Variants in RAD51B observed in about 807,000 individuals in gnomAD.
The protein encoded by RAD51B is RAD51 paralog B.
Under a neutral mutation model 42.2 loss-of-function variants are expected in RAD51B, and 38 were observed. The observed-to-expected ratio is 0.90, with a 90% confidence interval of 0.70 to 1.18. The LOEUF (loss-of-function observed/expected upper bound fraction) is 1.18, where lower values mean the gene tolerates loss of function less well. Ranked by LOEUF, RAD51B falls within the 50% of genes most tolerant of loss-of-function variation. The pLI is 0.00. For missense variants in RAD51B, 373 were observed against 400.7 expected, an observed-to-expected ratio of 0.93 and a Z score of 0.59; for synonymous variants, 154 against 145.2, an observed-to-expected ratio of 1.06 and a Z score of -0.43.
intron 7 of RAD51B, among the ~76,000 whole-genome samples, chr14:68,045,387 C>T (rs1171807316): frequency 1.3e-5 from 2 of 151,942 alleles, no homozygotes; most frequent in South Asian, 4.1e-4. Flanking sequence ...ACACACAGTG[C>T]CTTTTACACA....
At chr14:68,025,973 T>C (rs977150367) in intron 7 of RAD51B, among the ~76,000 whole-genome samples, 3 of 152,154 alleles carry the variant, frequency 2.0e-5, no homozygotes, top group Non-Finnish European at 4.4e-5. Context: ...TCTAACTTCT[T>C]GATGAGGGAA....
At chr14:68,177,802 CTT>C (rs2140875737) in intron 7 of RAD51B, among the ~76,000 whole-genome samples, 1 of 152,188 alleles carries the variant, frequency 6.6e-6, no homozygotes, top group African/African-American at 2.4e-5. Flanking sequence ...TTTATGCTCT[CTT>C]GTCTATTGAT....
intron 7 of RAD51B, among the ~76,000 whole-genome samples, chr14:68,151,026 T>C (rs2078367629): frequency 6.6e-6 from 1 of 152,054 alleles, no homozygotes; most frequent in African/African-American, 2.4e-5. Context: ...ATCTTTCCTT[T>C]GTATAGACTG....
chr14:68,682,230 C>T (rs1392563896), intron 11 of RAD51B, among the ~76,000 whole-genome samples: 1 of 151,722 alleles, frequency 6.6e-6, no homozygotes, highest in Non-Finnish European at 1.5e-5. Context: ...ATCGCCTGGC[C>T]ACAAGTCTGG....
chr14:67,867,464 A>G (rs1415604239), intron 5 of RAD51B, among the ~76,000 whole-genome samples: 1 of 152,224 alleles, frequency 6.6e-6, no homozygotes, highest in Admixed American at 6.5e-5. Context: ...CAGTGTGAAG[A>G]AAAAGGGCCA....
At chr14:68,566,994 T>C (rs1432080627) in intron 10 of RAD51B, among the ~76,000 whole-genome samples, 2 of 152,198 alleles carry the variant, frequency 1.3e-5, no homozygotes, top group African/African-American at 2.4e-5. Context: ...GCTCATACCT[T>C]CTTTTTTAAA....
intron 10 of RAD51B, among the ~76,000 whole-genome samples, chr14:68,641,802 C>G (rs932042233): frequency 2.0e-5 from 3 of 151,502 alleles, no homozygotes; most frequent in South Asian, 2.1e-4. Flanking sequence ...TTCAAGTGAT[C>G]CTCCTGCATT....
At position 68,068,599 on chromosome 14, in the gene RAD51B, G is replaced by C. The variant is rs956168773; in HGVS notation, c.756+181395G>C. On this transcript the variant is annotated intron_variant, in intron 7 of 10. Transcript: ENST00000471583. ...GGATATTTGTTTAAAAGTTTTATAT[G>C]GACATGTTTTCAATTCTCTTGGGTG... is the stretch of plus-strand genomic sequence containing the variant. Among the ~76,000 whole-genome samples, 6 of 152,204 alleles carry C rather than the reference G, an allele frequency of 3.9e-5. No individual in the cohort carries two copies. The South Asian group carries it at 1.2e-3, about 32-fold the overall frequency.
intron 7 of RAD51B, among the ~76,000 whole-genome samples, chr14:67,944,086 A>G (rs1314491068): frequency 6.6e-6 from 1 of 152,148 alleles, no homozygotes; most frequent in East Asian, 1.9e-4. Flanking sequence ...AGAAAACAGT[A>G]CAGCCAGGGG....
At chr14:68,303,013 C>T (rs952159816) in intron 8 of RAD51B, among the ~76,000 whole-genome samples, 3 of 152,146 alleles carry the variant, frequency 2.0e-5, no homozygotes, top group Non-Finnish European at 4.4e-5. Context: ...GGGGCTTGCT[C>T]CCAACAGAAA....
chr14:68,048,551 C>T (rs1463745319), intron 7 of RAD51B, among the ~76,000 whole-genome samples: 1 of 152,246 alleles, frequency 6.6e-6, no homozygotes, highest in East Asian at 1.9e-4. Context: ...CCTAGGTTTT[C>T]TTCTAGGGTT....
intron 9 of RAD51B, among the ~76,000 whole-genome samples, chr14:68,419,071 G>A (rs2084631498): frequency 6.6e-6 from 1 of 152,126 alleles, no homozygotes; most frequent in South Asian, 2.1e-4. Flanking sequence ...ATTCAGTGAG[G>A]GCAGTGCCAA....
chr14:68,555,293 G>A (rs1218542267), intron 10 of RAD51B, among the ~76,000 whole-genome samples: 1 of 152,182 alleles, frequency 6.6e-6, no homozygotes, highest in Admixed American at 6.5e-5. Flanking sequence ...GTATTTCTGG[G>A]AAAGATAACA....
chr14:67,890,988 C>T (rs2043202461), intron 7 of RAD51B, among the ~76,000 whole-genome samples: 1 of 152,062 alleles, frequency 6.6e-6, no homozygotes, highest in Admixed American at 6.6e-5. Flanking sequence ...GCTTAGATAA[C>T]AGGACTTTCA....
rs527577630 is a variant in RAD51B, at chr14:68,003,873, T to G, written c.756+116669T>G. Among the ~76,000 whole-genome samples the G allele has an allele frequency of 4.6e-5, 7 of 152,250 alleles. No homozygotes were observed. The South Asian group carries it at 1.5e-3, about 32-fold the overall frequency. On this transcript the variant is annotated intron_variant, in intron 7 of 10. Transcript: ENST00000471583. ...ATCCCACGGATGAAGCCTACTTGATTGTGGTGGATAAACTTTTTGATGTGC... is the reference window on the plus strand; with the variant it reads ...ATCCCACGGATGAAGCCTACTTGATGGTGGTGGATAAACTTTTTGATGTGC...
At chr14:68,196,905 T>C (rs2079384389) in intron 7 of RAD51B, among the ~76,000 whole-genome samples, 1 of 152,242 alleles carries the variant, frequency 6.6e-6, no homozygotes, top group Non-Finnish European at 1.5e-5. Flanking sequence ...GTATACTTTG[T>C]TTGAAGACAG....
At chr14:68,086,084 G>A (rs2076979347) in intron 7 of RAD51B, among the ~76,000 whole-genome samples, 1 of 152,196 alleles carries the variant, frequency 6.6e-6, no homozygotes, top group Non-Finnish European at 1.5e-5. Context: ...TGGTGTAATG[G>A]AATAATTGAA....
intron 7 of RAD51B, among the ~76,000 whole-genome samples, chr14:68,052,050 C>G (rs977897392): frequency 2.0e-5 from 3 of 152,132 alleles, no homozygotes; most frequent in Non-Finnish European, 4.4e-5. Flanking sequence ...AATAACCAGA[C>G]CATAGACTCT....
In RAD51B at chr14:68,529,619, A is replaced by G. The variant is rs1471215389; in HGVS notation, c.1036+61369A>G. On this transcript the variant is annotated intron_variant, in intron 10 of 10. Transcript: ENST00000487270. ...AGATCACTAACACCATAGCTGGGAA[A>G]GATCTTAAATCATCACTTGATTCTG... Among the ~76,000 whole-genome samples the G allele has an allele frequency of 2.0e-5, 3 of 152,270 alleles. No homozygotes were observed. The East Asian group carries it at 5.8e-4, about 29-fold the overall frequency.
Sources: allele counts gnomAD v4.1 joint callset (sites outside exome capture counted in the v4.1 genomes callset), GRCh38; gene constraint gnomAD v4.1.1; transcripts MANE v1.5; gene names NCBI Gene and HGNC (gene_info 2026-07-23, HGNC 2026-07-21).